The following CTSG variants were observed in gnomAD, a reference collection of about 807,000 sequenced individuals.
CTSG encodes cathepsin G.
CTSG carries 23 observed loss-of-function variants against 23.0 expected under a neutral mutation model. That is an observed-to-expected ratio of 1.00 (90% CI 0.72 to 1.42). The LOEUF (loss-of-function observed/expected upper bound fraction) is 1.42, where lower values mean the gene tolerates loss of function less well. Among genes scored for constraint, CTSG ranks in the 40% most tolerant of loss-of-function variants. The pLI is 0.00. For missense variants in CTSG, 312 were observed against 326.2 expected, an observed-to-expected ratio of 0.96 and a Z score of 0.33; for synonymous variants, 140 against 130.4, an observed-to-expected ratio of 1.07 and a Z score of -0.50.
At position 24,576,181 on chromosome 14, in the gene CTSG, C is replaced by T. The variant is rs780411582; in HGVS notation, c.43G>A (p.Gly15Arg). Residue 15 changes from glycine to arginine, a missense_variant, in exon 1 of 5, where the codon GGG becomes AGG. Transcript: ENST00000216336. Reference sequence around the variant, plus strand: ...GATGGTCACTCACCTGCCTCAGCCCCAGTGGGTAGGAGAAAGGCCAGCAGA... The same window carrying T: ...GATGGTCACTCACCTGCCTCAGCCCTAGTGGGTAGGAGAAAGGCCAGCAGA... ...LLLLAFLLPT[G>R]AEAGEIIGGR... The T allele has an allele frequency of 6.2e-7, 1 of 1,610,562 alleles. No homozygotes were observed. The highest frequency in any genetic ancestry group is 8.5e-7 in the Non-Finnish European group (1 of 1,178,640).
In CTSG at chr14:24,575,336, T is replaced by C; in HGVS notation, c.132A>G (p.Ala44=). The change falls in exon 2 of 5, where the codon GCA becomes GCG. Residue 44 remains alanine, a synonymous_variant. Transcript: ENST00000216336. ...GGAACCCTCCACATCTGCTCTGACC[T>C]GCTGGACTCTGGATCTGAAGATACG... is the stretch of plus-strand genomic sequence containing the variant. ...YMAYLQIQSP[A]GQSRCGGFLV... 6.2e-7 allele frequency: 1 copy of C among 1,614,170 alleles called. No homozygotes were observed. The highest frequency in any genetic ancestry group is 8.5e-7 in the Non-Finnish European group (1 of 1,180,026).
rs536195182 is a variant in CTSG, at chr14:24,574,834, G to A, written c.204-24C>T. 395 of 1,612,490 alleles carry A rather than the reference G, an allele frequency of 2.4e-4. 3 individuals carry two copies. In the South Asian group the frequency reaches 4.2e-3, roughly 17 times the overall value. The stretch of plus-strand genomic sequence containing the variant: ...TGCTGCAAAAGCAAGAGGTAGGTCT[G>A]GGCTGCAGGAGCTATGGTCCACCAG... On this transcript the variant is annotated intron_variant, in intron 2 of 4. Transcript: ENST00000216336.
At chr14:24,573,877 C>A in intron 4 of CTSG, 67 bp from the exon 5 acceptor site, 3 of 1,465,052 alleles carry the variant, frequency 2.0e-6, no homozygotes, top group Non-Finnish European at 2.8e-6. Context: ...GAGCTCCGGG[C>A]TCTCAGGGAA....
chr14:24,574,026 G>A (rs904689182), intron 4 of CTSG, among the ~76,000 whole-genome samples: 1 of 152,170 alleles, frequency 6.6e-6, no homozygotes, highest in Non-Finnish European at 1.5e-5. Flanking sequence ...CCCAATCTGA[G>A]TCAAGGTACC....
In CTSG at chr14:24,574,319, G is replaced by T. The variant is rs536120004; in HGVS notation, c.520C>A (p.Arg174Ser). 8 of 1,603,510 alleles carry T rather than the reference G, an allele frequency of 5.0e-6. No individual in the cohort carries two copies. In the African/African-American group the frequency reaches 8.0e-5, roughly 16 times the overall value. The part of the protein sequence containing the change: ...LRVQRDRQCL[R>S]IFGSYDPRRQ... Reference sequence around the variant, plus strand: ...CGGGGGTCGTAGGAACCGAAGATGCGGAGGCACTGCCTATCCCTCTGCACT... The same window carrying T: ...CGGGGGTCGTAGGAACCGAAGATGCTGAGGCACTGCCTATCCCTCTGCACT... Residue 174 changes from arginine to serine, a missense_variant, in exon 4 of 5, where the codon CGC becomes AGC. Transcript: ENST00000216336.
rs1394429349 is a variant in CTSG at position 24,573,712 on chromosome 14, G to A, written c.693C>T (p.Val231=). 1.1e-5 allele frequency: 18 copies of A among 1,613,986 alleles called. No individual in the cohort carries two copies. Among genetic ancestry groups the A allele is most frequent in the Non-Finnish European group, 1.5e-5 (18 of 1,180,032 alleles). Residue 231 remains valine, a synonymous_variant, in exon 5 of 5, where the codon GTC becomes GTT. Coordinates refer to ENST00000216336, the MANE Select transcript of CTSG (RefSeq NM_001911.3). ...SGVPPEVFTR[V]SSFLPWIRTT... ...TCCTTATCCAGGGCAGGAAACTTGA[G>A]ACCCTGGTGAAGACTTCTGGAGGAA...
Position 24,573,633 on chromosome 14 carries a change from T to G in CTSG, c.*4A>C, listed in dbSNP as rs749245340. On this transcript the variant is annotated 3_prime_UTR_variant, in exon 5 of 5. Transcript: ENST00000216336. ...TGGCCTGTGTCCCCGAGAAGAAGAG[T>G]CAGTCACAGGGGGGTCTCCATCTGA... 8 of 1,599,766 alleles carry G rather than the reference T, an allele frequency of 5.0e-6. No homozygotes were observed. The highest frequency in any genetic ancestry group is 1.1e-5 in the South Asian group (1 of 89,592).
Position 24,573,649 on chromosome 14 carries a change from C to G in CTSG, c.756G>C (p.Glu252Asp). The change falls in exon 5 of 5, where the codon GAG becomes GAC. Residue 252 changes from glutamate (E) to aspartate (D), a missense_variant. Physicochemically the swap from Glu to Asp is conservative, Grantham distance 45. Transcript: ENST00000216336. ...GAAGAAGAGTCAGTCACAGGGGGGTCTCCATCTGATCCAGCAGTTTGAAGC... is the reference window on the plus strand; with the variant it reads ...GAAGAAGAGTCAGTCACAGGGGGGTGTCCATCTGATCCAGCAGTTTGAAGC... ...MRSFKLLDQM[E>D]TPL 1 of 1,613,770 alleles carries G rather than the reference C, an allele frequency of 6.2e-7. No homozygotes were observed. The highest frequency in any genetic ancestry group is 1.1e-5 in the South Asian group (1 of 91,020).
intron 2 of CTSG, 180 bp from the exon 3 acceptor site, chr14:24,574,990 A>T: frequency 1.2e-6 from 1 of 803,386 alleles, no homozygotes; most frequent in Non-Finnish European, 1.9e-6. Flanking sequence ...ACAGGGTGGT[A>T]CTTGCCTTCA....
rs375783811 is a variant in CTSG, at chr14:24,574,326, C to T, written c.513G>A (p.Gln171=). The T allele has an allele frequency of 2.5e-6, 4 of 1,604,602 alleles. No individual in the cohort carries two copies. The South Asian group carries it at 4.4e-5, about 18-fold the overall frequency. Reference sequence around the variant, plus strand: ...CGTAGGAACCGAAGATGCGGAGGCACTGCCTATCCCTCTGCACTCTCAGCT... The same window carrying T: ...CGTAGGAACCGAAGATGCGGAGGCATTGCCTATCCCTCTGCACTCTCAGCT... ...EVQLRVQRDR[Q]CLRIFGSYDP... The change falls in exon 4 of 5, where the codon CAG becomes CAA. Residue 171 remains glutamine (Q), a synonymous_variant. Transcript: ENST00000216336.
At chr14:24,575,236 G>C (rs1169588240) in intron 2 of CTSG, 29 bp downstream of exon 2, 1 of 1,613,574 alleles carries the variant, frequency 6.2e-7, no homozygotes, top group Non-Finnish European at 8.5e-7. Context: ...TGTGTTCCTG[G>C]CTGGCCAGGA....
In CTSG at chr14:24,574,362, G is replaced by T; in HGVS notation, c.477C>A (p.Leu159=). 1.2e-6 allele frequency: 2 copies of T among 1,609,528 alleles called. No individual in the cohort carries two copies. The highest frequency in any genetic ancestry group is 2.2e-5 in the South Asian group (2 of 91,080). Residue 159 remains leucine, a synonymous_variant, in exon 4 of 5, where the codon CTC becomes CTA. Coordinates refer to ENST00000216336, the MANE Select transcript of CTSG (RefSeq NM_001911.3). ...TCTGCACTCTCAGCTGCACCTCTCG[G>T]AGTGTATCTGTTCCCCTCCTCATGC... The part of the protein sequence containing the change: ...RVSMRRGTDT[L]REVQLRVQRD...
Position 24,576,152 on chromosome 14 carries a change from TG to T in CTSG, c.55+16del. ...TGGGATGAGGTCAGGCCTCTGAGGG[TG>T]GGGATGGTCACTCACCTGCCTCAGC... On this transcript the variant is annotated intron_variant, in intron 1 of 4. Coordinates refer to ENST00000216336, the MANE Select transcript of CTSG (RefSeq NM_001911.3). 1 of 1,605,250 alleles carries T rather than the reference TG, an allele frequency of 6.2e-7. No individual in the cohort carries two copies. The highest frequency in any genetic ancestry group is 1.1e-5 in the South Asian group (1 of 88,848).
At position 24,574,747 on chromosome 14, in the gene CTSG, G is replaced by C; in HGVS notation, c.267C>G (p.Ile89Met). ...IQRRENTQQH[I>M]TARRAIRHPQ... ...GGTGGCGGATGGCTCTGCGCGCAGT[G>C]ATGTGTTGCTGGGTGTTTTCCCGTC... is the stretch of plus-strand genomic sequence containing the variant. The change falls in exon 3 of 5, where the codon ATC becomes ATG. Residue 89 changes from isoleucine to methionine, a missense_variant. Physicochemically the swap from Ile to Met is conservative, Grantham distance 10. Coordinates refer to ENST00000216336, the MANE Select transcript of CTSG (RefSeq NM_001911.3). 3.1e-6 allele frequency: 5 copies of C among 1,614,218 alleles called. No individual in the cohort carries two copies. The highest frequency in any genetic ancestry group is 4.2e-6 in the Non-Finnish European group (5 of 1,180,040).
Position 24,574,668 on chromosome 14 carries a change from G to A in CTSG, c.339+7C>T. On this transcript the variant is annotated splice_region_variant and intron_variant, in intron 3 of 4. Transcript: ENST00000216336. Reference sequence around the variant, plus strand: ...AGGAAGGAGCCAGAGGGCCAGGTAGGTGGTACCTGCAATAACATGATGTCA... The same window carrying A: ...AGGAAGGAGCCAGAGGGCCAGGTAGATGGTACCTGCAATAACATGATGTCA... 1.2e-6 allele frequency: 2 copies of A among 1,614,246 alleles called. No individual in the cohort carries two copies. Among genetic ancestry groups the A allele is most frequent in the Non-Finnish European group, 1.7e-6 (2 of 1,180,034 alleles).
Position 24,575,422 on chromosome 14 carries a change from A to C in CTSG, c.56-10T>G. 6.2e-7 allele frequency: 1 copy of C among 1,614,004 alleles called. No homozygotes were observed. Among genetic ancestry groups the C allele is most frequent in the Non-Finnish European group, 8.5e-7 (1 of 1,180,008 alleles). On this transcript the variant is annotated splice_polypyrimidine_tract_variant and intron_variant, in intron 1 of 4. Coordinates refer to ENST00000216336, the MANE Select transcript of CTSG (RefSeq NM_001911.3). The stretch of plus-strand genomic sequence containing the variant: ...CCTCCGATGATCTCCCCTGGAAGGA[A>C]GCATTTGGCACTTAGCTCTATGCTT...
At chr14:24,575,909 CT>C (rs1227844297) in intron 1 of CTSG, among the ~76,000 whole-genome samples, 2 of 152,220 alleles carry the variant, frequency 1.3e-5, no homozygotes, top group Non-Finnish European at 2.9e-5. Context: ...CTGACACATG[CT>C]GCCAAATTAT....
intron 2 of CTSG, 37 bp from the exon 3 acceptor site, chr14:24,574,847 T>C (rs199976740): frequency 3.7e-6 from 6 of 1,611,666 alleles, no homozygotes; most frequent in East Asian, 4.5e-5. Flanking sequence ...CTGCAGGAGC[T>C]ATGGTCCACC....
intron 1 of CTSG, among the ~76,000 whole-genome samples, chr14:24,575,719 T>C (rs1342365295): frequency 6.6e-6 from 1 of 152,156 alleles, no homozygotes; most frequent in East Asian, 1.9e-4. Context: ...CCTCAGGTAT[T>C]GAGGAGAATG....
Sources: gnomAD v4.1 joint callset for allele counts (sites outside exome capture counted in the v4.1 genomes callset) on GRCh38, gnomAD v4.1.1 for gene constraint, MANE v1.5 for transcripts, NCBI Gene and HGNC (gene_info 2026-07-23, HGNC 2026-07-21) for gene names.